EYS: variants seen among roughly 807,000 people sequenced by gnomAD.
The protein encoded by EYS is protein eyes shut homolog.
EYS carries 250 observed loss-of-function variants against 282.1 expected under a neutral mutation model. That is an observed-to-expected ratio of 0.89 (90% CI 0.80 to 0.98). The LOEUF is 0.98. EYS is among the 50% of genes least tolerant of loss of function. EYS has a pLI of 0.00. For synonymous variants in EYS, 1,355 were observed against 1,282.9 expected (o/e 1.06, Z -1.20); for missense variants, 4,016 against 3,709.0 (o/e 1.08, Z -2.15).
At chr6:64,862,985 T>A (rs1156537402) in intron 19 of EYS, among the ~76,000 whole-genome samples, 8 of 152,298 alleles carry the variant, frequency 5.3e-5, no homozygotes, top group Middle Eastern at 3.4e-3. Flanking sequence ...GATATGTTGT[T>A]TTCAGCAAAT....
In EYS at chr6:64,125,154, GTCTCTCTCTCTC is replaced by G. The variant is rs112304740; in HGVS notation, c.6425-43164_6425-43153del. On this transcript the variant is annotated intron_variant, in intron 31 of 42. Coordinates refer to ENST00000503581, the MANE Select transcript of EYS (RefSeq NM_001142800.2). Reference sequence around the variant, plus strand: ...TCAAACACACACACACACACTCTCTGTCTCTCTCTCTCTCTCTCTCTCGCTCTCTCTCTCTCT... The same window carrying G: ...TCAAACACACACACACACACTCTCTGTCTCTCTCTCGCTCTCTCTCTCTCT... 1.3e-3 allele frequency among the ~76,000 whole-genome samples: 188 copies of G among 145,332 alleles called. 1 individual carries two copies. Among genetic ancestry groups the G allele is most frequent in the Non-Finnish European group, 1.9e-3 (129 of 66,320 alleles).
chr6:64,229,377 A>G (rs1766348420), intron 31 of EYS, among the ~76,000 whole-genome samples: 1 of 151,998 alleles, frequency 6.6e-6, no homozygotes, highest in South Asian at 2.1e-4. Context: ...ATGTAGATCT[A>G]AAACAGCTTT....
At chr6:64,913,040 T>C (rs1341870470) in intron 15 of EYS, among the ~76,000 whole-genome samples, 1 of 151,982 alleles carries the variant, frequency 6.6e-6, no homozygotes, top group African/African-American at 2.4e-5. Flanking sequence ...AATCACCAAT[T>C]GAGCAAAATT....
intron 22 of EYS, among the ~76,000 whole-genome samples, chr6:64,741,545 C>T (rs1395356771): frequency 1.3e-5 from 2 of 152,216 alleles, no homozygotes; most frequent in Non-Finnish European, 2.9e-5. Flanking sequence ...TTCTCTCTAT[C>T]TGTGAATGTC....
At position 65,384,469 on chromosome 6, in the gene EYS, C is replaced by T; in HGVS notation, c.1216G>A (p.Glu406Lys). 1 of 1,606,870 alleles carries T rather than the reference C, an allele frequency of 6.2e-7. No individual in the cohort carries two copies. The highest frequency in any genetic ancestry group is 1.7e-5 in the Admixed American group (1 of 59,730). ...CISGFTEKNC[E>K]KAIDHCKLLS... is the part of the protein sequence containing the mutation. ...AGTTTACAGTGGTCAATTGCTTTCT[C>T]ACAGTTTTTTTCAGTAAATCCTGAT... The change falls in exon 8 of 43, where the codon GAG (glutamate) becomes AAG (lysine). Residue 406 changes from glutamate to lysine, a missense_variant. Glu to Lys is a moderately conservative substitution (Grantham distance 56, BLOSUM62 1). Transcript: ENST00000503581.
chr6:65,473,452 A>C (rs1391523007), intron 5 of EYS, among the ~76,000 whole-genome samples: 2 of 151,940 alleles, frequency 1.3e-5, no homozygotes, highest in Non-Finnish European at 2.9e-5. Context: ...ACTAGAGGCC[A>C]CTGTATTTTT....
At chr6:64,350,872 C>G (rs1771604313) in intron 29 of EYS, among the ~76,000 whole-genome samples, 1 of 151,354 alleles carries the variant, frequency 6.6e-6, no homozygotes, top group African/African-American at 2.4e-5. Context: ...GGGGCCCTGT[C>G]CCCCATGCTG....
At chr6:64,634,635 G>C (rs544431226) in intron 22 of EYS, among the ~76,000 whole-genome samples, 2 of 151,522 alleles carry the variant, frequency 1.3e-5, no homozygotes, top group Non-Finnish European at 2.9e-5. Context: ...GTCCAGCACA[G>C]CTGGGATGAG....
chr6:63,989,157 C>G (rs1767499367), intron 34 of EYS, among the ~76,000 whole-genome samples: 1 of 151,586 alleles, frequency 6.6e-6, no homozygotes, highest in Non-Finnish European at 1.5e-5. Flanking sequence ...GATGAATTAT[C>G]AGAGCGCACT....
chr6:64,145,457 T>C (rs1383063101), intron 31 of EYS, among the ~76,000 whole-genome samples: 1 of 151,044 alleles, frequency 6.6e-6, no homozygotes, highest in Admixed American at 6.6e-5. Flanking sequence ...GTAAAATGTT[T>C]GAAAAGACTG....
At chr6:65,054,281 G>T (rs2150156024) in intron 13 of EYS, among the ~76,000 whole-genome samples, 1 of 151,994 alleles carries the variant, frequency 6.6e-6, no homozygotes, top group Non-Finnish European at 1.5e-5. Context: ...CAGTATAATA[G>T]GGGTATTCCT....
chr6:65,199,089 G>A (rs1765838216), intron 12 of EYS, among the ~76,000 whole-genome samples: 1 of 152,004 alleles, frequency 6.6e-6, no homozygotes, highest in Non-Finnish European at 1.5e-5. Flanking sequence ...AAACAATTAG[G>A]TTGCTTTTCT....
chr6:65,482,360 C>G (rs1357255491), intron 5 of EYS, among the ~76,000 whole-genome samples: 1 of 152,082 alleles, frequency 6.6e-6, no homozygotes, highest in Non-Finnish European at 1.5e-5. Flanking sequence ...CATGTGACTC[C>G]ATTATTTTTT....
At chr6:65,465,626 C>A (rs866045911) in intron 5 of EYS, among the ~76,000 whole-genome samples, 1 of 152,004 alleles carries the variant, frequency 6.6e-6, no homozygotes, top group Non-Finnish European at 1.5e-5. Context: ...GCACAATTAG[C>A]GTTGAGATAA....
At chr6:65,549,977 C>G (rs1183508504) in intron 2 of EYS, among the ~76,000 whole-genome samples, 2 of 137,854 alleles carry the variant, frequency 1.5e-5, no homozygotes, top group Non-Finnish European at 1.6e-5. Context: ...CAGGGAGGGG[C>G]AAGGTGGCAA....
At chr6:64,038,146 G>T (rs920691148) in intron 33 of EYS, among the ~76,000 whole-genome samples, 1 of 151,976 alleles carries the variant, frequency 6.6e-6, no homozygotes, top group African/African-American at 2.4e-5. Context: ...TGAGGCTGGG[G>T]GTTAAGTGGG....
intron 12 of EYS, among the ~76,000 whole-genome samples, chr6:65,127,362 A>C (rs959189247): frequency 7.9e-5 from 12 of 152,224 alleles, no homozygotes; most frequent in African/African-American, 2.2e-4. Flanking sequence ...ACCCACCTTT[A>C]ATCAACGTAA....
chr6:64,502,514 G>A (rs1299264395), intron 26 of EYS, among the ~76,000 whole-genome samples: 3 of 152,150 alleles, frequency 2.0e-5, no homozygotes, highest in Admixed American at 6.5e-5. Context: ...GAGCCACTGC[G>A]CTCGGCCGGA....
At chr6:64,205,234 CT>C (rs1765579121) in intron 31 of EYS, among the ~76,000 whole-genome samples, 1 of 152,218 alleles carries the variant, frequency 6.6e-6, no homozygotes, top group African/African-American at 2.4e-5. Context: ...TCTTTACAAA[CT>C]TTTATTCAAT....
Sources: gnomAD v4.1 joint callset for allele counts (sites outside exome capture counted in the v4.1 genomes callset) on GRCh38, gnomAD v4.1.1 for gene constraint, MANE v1.5 for transcripts, NCBI Gene and HGNC (gene_info 2026-07-23, HGNC 2026-07-21) for gene names.